The following TRPC7 variants were observed in gnomAD, a reference collection of about 807,000 sequenced individuals.
The protein encoded by TRPC7 is short transient receptor potential channel 7.
In TRPC7, 42 loss-of-function variants were observed where a neutral mutation model predicts 90.1. That is an observed-to-expected ratio of 0.47 (90% CI 0.36 to 0.60). TRPC7 has a LOEUF of 0.60. Ranked by LOEUF, TRPC7 falls within the 20% of genes least tolerant of loss-of-function variation. The probability of loss-of-function intolerance (pLI) is 0.00; values close to 1 mark genes in which losing one functional copy is unlikely to be tolerated. For missense variants in TRPC7, 955 were observed against 1,112.3 expected (o/e 0.86, Z 2.01); for synonymous variants, 451 against 436.3 (o/e 1.03, Z -0.42).
chr5:136,273,859 A>G (rs1366493654), intron 4 of TRPC7, among the ~76,000 whole-genome samples: 1 of 152,154 alleles, frequency 6.6e-6, no homozygotes. Flanking sequence ...TTGGTCTTAA[A>G]AGCACTGACT....
chr5:136,361,715 A>G (rs2149865040), intron 1 of TRPC7, among the ~76,000 whole-genome samples: 1 of 152,326 alleles, frequency 6.6e-6, no homozygotes, highest in East Asian at 1.9e-4. Context: ...AATATTCCCC[A>G]ACTGGATATA....
intron 3 of TRPC7, among the ~76,000 whole-genome samples, chr5:136,312,972 C>CTTTTTTTTTT (rs34840823): frequency 1.0e-5 from 1 of 97,058 alleles, no homozygotes; most frequent in African/African-American, 3.8e-5. Context: ...AGTAGTGATT[C>CTTTTTTTTTT]TTTTTTTTTT....
chr5:136,258,250 A>G (rs952692188), intron 5 of TRPC7, among the ~76,000 whole-genome samples: 4 of 152,352 alleles, frequency 2.6e-5, no homozygotes, highest in Admixed American at 2.6e-4. Flanking sequence ...TTCCAGGGCC[A>G]TAAGTAAAAG....
At chr5:136,298,181 C>T (rs1431807342) in intron 3 of TRPC7, among the ~76,000 whole-genome samples, 11 of 152,182 alleles carry the variant, frequency 7.2e-5, no homozygotes, top group African/African-American at 2.4e-5. Flanking sequence ...ACATTCAGAT[C>T]GGGTGGTCAG....
rs1420670820 is a variant in TRPC7 at position 136,232,867 on chromosome 5, T to G, written c.1845-1318A>C. Reference sequence around the variant, plus strand: ...TGGTACCACTGTAAGAAAGCACTTTTTTTTTTCCTCTTTAACATTTCAGGT... The same window carrying G: ...TGGTACCACTGTAAGAAAGCACTTTGTTTTTTCCTCTTTAACATTTCAGGT... On this transcript the variant is annotated intron_variant, in intron 7 of 11. Coordinates refer to ENST00000513104, the MANE Select transcript of TRPC7 (RefSeq NM_020389.3). 5.9e-5 allele frequency among the ~76,000 whole-genome samples: 9 copies of G among 152,340 alleles called. 1 individual carries two copies. The highest frequency in any genetic ancestry group is 2.2e-4 in the African/African-American group (9 of 41,574).
intron 2 of TRPC7, among the ~76,000 whole-genome samples, chr5:136,356,070 C>T (rs1760362996): frequency 6.6e-6 from 1 of 152,210 alleles, no homozygotes; most frequent in Non-Finnish European, 1.5e-5. Flanking sequence ...TCTTAAACCT[C>T]CTCCTCAGCC....
chr5:136,276,410 A>T (rs1397297629), intron 3 of TRPC7, among the ~76,000 whole-genome samples: 1 of 152,228 alleles, frequency 6.6e-6, no homozygotes, highest in Admixed American at 6.5e-5. Context: ...ACTGAGTATT[A>T]AGGGGACATA....
chr5:136,313,601 T>A (rs531531924), intron 3 of TRPC7, among the ~76,000 whole-genome samples: 3 of 152,230 alleles, frequency 2.0e-5, no homozygotes, highest in Non-Finnish European at 4.4e-5. Context: ...TGGTAATTCA[T>A]GAAGAATAAA....
chr5:136,346,521 C>T (rs1372220470), intron 2 of TRPC7, among the ~76,000 whole-genome samples: 1 of 152,054 alleles, frequency 6.6e-6, no homozygotes, highest in Non-Finnish European at 1.5e-5. Context: ...ACGTGGAACA[C>T]ATACACCATG....
intron 9 of TRPC7, among the ~76,000 whole-genome samples, chr5:136,225,824 T>G (rs1335839902): frequency 6.6e-6 from 1 of 152,042 alleles, no homozygotes; most frequent in African/African-American, 2.4e-5. Flanking sequence ...TCCAAGGGGT[T>G]GCAAGGAGAA....
chr5:136,336,447 A>G (rs1316456512), intron 2 of TRPC7, among the ~76,000 whole-genome samples: 1 of 151,912 alleles, frequency 6.6e-6, no homozygotes, highest in Non-Finnish European at 1.5e-5. Context: ...TTCAATTCAG[A>G]TGTTGTTTAT....
chr5:136,300,386 T>A (rs1395848543), intron 3 of TRPC7, among the ~76,000 whole-genome samples: 1 of 152,160 alleles, frequency 6.6e-6, no homozygotes, highest in Non-Finnish European at 1.5e-5. Flanking sequence ...GTGGAGCCCT[T>A]AGCAATCTGA....
chr5:136,297,628 C>T (rs778196780), intron 3 of TRPC7, among the ~76,000 whole-genome samples: 14 of 151,942 alleles, frequency 9.2e-5, no homozygotes, highest in Non-Finnish European at 1.6e-4. Context: ...TATTCAGATG[C>T]AATTTGGAGA....
intron 8 of TRPC7, among the ~76,000 whole-genome samples, chr5:136,227,829 A>G (rs1755679056): frequency 6.6e-6 from 1 of 152,254 alleles, no homozygotes; most frequent in African/African-American, 2.4e-5. Flanking sequence ...AAGCATAGCA[A>G]TACCTATCGA....
At chr5:136,236,173 G>A (rs1218129482) in intron 7 of TRPC7, among the ~76,000 whole-genome samples, 1 of 152,230 alleles carries the variant, frequency 6.6e-6, no homozygotes, top group Non-Finnish European at 1.5e-5. Flanking sequence ...GATCAAATGT[G>A]TTTCTGTGCT....
At chr5:136,346,674 T>G (rs1760018922) in intron 2 of TRPC7, among the ~76,000 whole-genome samples, 1 of 152,164 alleles carries the variant, frequency 6.6e-6, no homozygotes, top group Admixed American at 6.5e-5. Flanking sequence ...GACTGACCTC[T>G]TAGTTAGGAT....
At chr5:136,233,118 A>T (rs1254583784) in intron 7 of TRPC7, among the ~76,000 whole-genome samples, 1 of 152,150 alleles carries the variant, frequency 6.6e-6, no homozygotes, top group Non-Finnish European at 1.5e-5. Context: ...GTGTCTACCC[A>T]GCTGTTTGGC....
chr5:136,324,912 C>A (rs1030513336), intron 2 of TRPC7, among the ~76,000 whole-genome samples: 1 of 152,068 alleles, frequency 6.6e-6, no homozygotes, highest in Non-Finnish European at 1.5e-5. Flanking sequence ...AGAGTGTGGA[C>A]TTCAAATTCA....
intron 10 of TRPC7, among the ~76,000 whole-genome samples, chr5:136,217,173 C>G (rs1401075025): frequency 1.3e-5 from 2 of 152,200 alleles, no homozygotes; most frequent in Admixed American, 1.3e-4. Context: ...TTCCCTGCTC[C>G]TTGGTCCTCC....
Sources: gnomAD v4.1 joint callset for allele counts (sites outside exome capture counted in the v4.1 genomes callset) on GRCh38, gnomAD v4.1.1 for gene constraint, MANE v1.5 for transcripts, NCBI Gene and HGNC (gene_info 2026-07-23, HGNC 2026-07-21) for gene names.